The following ADCY4 variants were observed in gnomAD, a reference collection of about 807,000 sequenced individuals.
ADCY4 encodes adenylate cyclase type 4.
A neutral mutation model predicts 125.5 loss-of-function variants in ADCY4; 111 were observed. The observed-to-expected ratio is 0.88, with a 90% CI of 0.76 to 1.04. The LOEUF (loss-of-function observed/expected upper bound fraction) is 1.04. Ranked by LOEUF, ADCY4 falls within the 50% of genes least tolerant of loss-of-function variation. ADCY4 has a pLI of 0.00. For missense variants in ADCY4, 1,256 were observed against 1,382.9 expected (o/e 0.91, Z 1.46); for synonymous variants, 576 against 586.9 (o/e 0.98, Z 0.27).
At chr14:24,324,263 A>G in intron 15 of ADCY4, 44 bp downstream of exon 15, 1 of 1,614,092 alleles carries the variant, frequency 6.2e-7, no homozygotes, top group Admixed American at 1.7e-5. Flanking sequence ...ACAGGTTGTG[A>G]CCAGGGCTCC....
intron 10 of ADCY4, 97 bp downstream of exon 10, chr14:24,328,964 C>T (rs567188910): frequency 9.1e-6 from 13 of 1,426,546 alleles, no homozygotes; most frequent in South Asian, 3.9e-5. Flanking sequence ...TTAAGTGGCT[C>T]ACTGGTGGTG....
rs772652771 is a variant in ADCY4, at chr14:24,324,291, C to A, written c.1908+16G>T. On this transcript the variant is annotated intron_variant, in intron 15 of 24. Transcript: ENST00000418030. ...AGGGCTCCGGCATACCACTTCCACC[C>A]CTCAGCCCACCTCACCATCAGGTCC... 1.2e-6 allele frequency: 2 copies of A among 1,613,968 alleles called. No individual in the cohort carries two copies. Among genetic ancestry groups the A allele is most frequent in the Non-Finnish European group, 1.7e-6 (2 of 1,179,942 alleles).
rs2042013856 is a variant in ADCY4, at chr14:24,329,892, C to T, written c.1185G>A (p.Leu395=). The change falls in exon 8 of 25, where the codon CTG becomes CTA. Residue 395 remains leucine, a synonymous_variant. Coordinates refer to ENST00000418030, the MANE Select transcript of ADCY4 (RefSeq NM_001198568.2). ...QYDVWSHDVT[L]ANHMEAGGVP... is the part of the protein sequence containing the mutation. ...CACCGCCTGCCTCCATGTGGTTAGC[C>T]AGTGTGACATCATGTGACCAAACGT... is the stretch of plus-strand genomic sequence containing the variant. The T allele has an allele frequency of 6.2e-7, 1 of 1,614,090 alleles. No homozygotes were observed.
chr14:24,329,035 G>C (rs777099302), intron 10 of ADCY4, 26 bp downstream of exon 10: 1 of 1,607,996 alleles, frequency 6.2e-7, no homozygotes, highest in Non-Finnish European at 8.5e-7. Context: ...ACTAAGCTCT[G>C]GGGCTCAGGA....
chr14:24,326,212 T>G lies in ADCY4; in HGVS notation c.1569-47A>C, dbSNP rs1207223898. 1.9e-6 allele frequency: 3 copies of G among 1,612,390 alleles called. No individual in the cohort carries two copies. The Admixed American group carries it at 5.0e-5, about 27-fold the overall frequency. ...CATCACCACAGAGACCCTCAGAGCG[T>G]CTGGGCAAAGCAGGAGCAGACCCCC... On this transcript the variant is annotated intron_variant, in intron 11 of 24. Coordinates refer to ENST00000418030, the MANE Select transcript of ADCY4 (RefSeq NM_001198568.2).
At chr14:24,330,771 T>G in intron 6 of ADCY4, 2 of 496,256 alleles carry the variant, frequency 4.0e-6, no homozygotes, top group Non-Finnish European at 7.2e-6. Context: ...GCTCTGAGCA[T>G]GTTTGGGGCA....
In ADCY4 at chr14:24,326,028, CCAT is replaced by C. The variant is rs202161847; in HGVS notation, c.1655+48_1655+50del. 54 of 1,436,630 alleles carry C rather than the reference CCAT, an allele frequency of 3.8e-5. No homozygotes were observed. The African/African-American group carries it at 4.1e-4, about 11-fold the overall frequency. 89.0% of individuals were successfully genotyped at this position (1,436,630 alleles called of 1,614,324 possible). A position where few individuals can be genotyped will look rare whatever the true frequency, so the allele number is the denominator to read the frequency against. ...CTCAGGGAGCACCATCCCTTCTCCACCATATGACCTCAGGGCCTGCGGCCCCCC... is the reference window on the plus strand; with the variant it reads ...CTCAGGGAGCACCATCCCTTCTCCACATGACCTCAGGGCCTGCGGCCCCCC... On this transcript the variant is annotated intron_variant, in intron 12 of 24. Transcript: ENST00000418030.
chr14:24,320,096 A>G (rs1196542593), intron 20 of ADCY4, among the ~76,000 whole-genome samples: 1 of 152,216 alleles, frequency 6.6e-6, no homozygotes, highest in Non-Finnish European at 1.5e-5. Context: ...TAGAAGAGAC[A>G]GAGGTTTGGC....
Position 24,331,762 on chromosome 14 carries a change from C to G in ADCY4, c.669+26G>C, listed in dbSNP as rs74036606. ...AAGCAACTCCTCCCTCGGAGCGCTG[C>G]TCTGACCTTCCTAGGCCCGGCTGAC... On this transcript the variant is annotated intron_variant, in intron 4 of 24. Coordinates refer to ENST00000418030, the MANE Select transcript of ADCY4 (RefSeq NM_001198568.2). 460 of 1,549,318 alleles carry G rather than the reference C, an allele frequency of 3.0e-4. No homozygotes were observed. The African/African-American group carries it at 5.9e-3, about 20-fold the overall frequency.
rs2042046216 is a variant in ADCY4 at position 24,331,844 on chromosome 14, C to A, written c.613G>T (p.Glu205Ter). The A allele has an allele frequency of 1.2e-6, 2 of 1,604,370 alleles. No homozygotes were observed. The highest frequency in any genetic ancestry group is 1.7e-6 in the Non-Finnish European group (2 of 1,172,874). ...CGTGAGTGCAGGGAGCTGAGTGCCT[C>A]CCGGAACGTGGCCCGCAGGGCGCGC... ...MERALRATFR[E>*]ALSSLHSRRR... Residue 205 changes from glutamate (E) to a stop codon, truncating the protein, a stop_gained, in exon 4 of 25, where the codon GAG (glutamate) becomes TAG (stop). Coordinates refer to ENST00000418030, the MANE Select transcript of ADCY4 (RefSeq NM_001198568.2). LOFTEE classifies it high-confidence loss of function.
Position 24,332,786 on chromosome 14 carries a change from C to T in ADCY4, c.357+5G>A, listed in dbSNP as rs1204111705. 2 of 1,544,560 alleles carry T rather than the reference C, an allele frequency of 1.3e-6. No individual in the cohort carries two copies. The highest frequency in any genetic ancestry group is 8.8e-7 in the Non-Finnish European group (1 of 1,140,818). ...CCCCGCTGCCCCGCCTGCCGCCCCTCTCACCTGGTCCCAGGCGCTCACCAC... is the reference window on the plus strand; with the variant it reads ...CCCCGCTGCCCCGCCTGCCGCCCCTTTCACCTGGTCCCAGGCGCTCACCAC... On this transcript the variant is annotated splice_donor_5th_base_variant and intron_variant, in intron 2 of 24. Coordinates refer to ENST00000418030, the MANE Select transcript of ADCY4 (RefSeq NM_001198568.2).
At chr14:24,330,503 G>T in intron 6 of ADCY4, 1 of 636,730 alleles carries the variant, frequency 1.6e-6, no homozygotes, top group South Asian at 2.1e-5. Flanking sequence ...TTTCCCCAAG[G>T]GCTGGATGGC....
rs757144908 is a variant in ADCY4, at chr14:24,318,729, C to T, written c.3006G>A (p.Pro1002=). Residue 1002 remains proline (P), a synonymous_variant, in exon 24 of 25, where the codon CCG becomes CCA. Transcript: ENST00000418030. ...VVAGVIGAQK[P]QYDIWGNTVN... is the part of the protein sequence containing the mutation. Reference sequence around the variant, plus strand: ...CTGTGTTGCCCCAAATGTCATATTGCGGCTTCTGGGCCCCAATAACTCCAG... The same window carrying T: ...CTGTGTTGCCCCAAATGTCATATTGTGGCTTCTGGGCCCCAATAACTCCAG... 30 of 1,614,058 alleles carry T rather than the reference C, an allele frequency of 1.9e-5. No individual in the cohort carries two copies. Among genetic ancestry groups the T allele is most frequent in the South Asian group, 2.2e-5 (2 of 91,084 alleles).
intron 20 of ADCY4, among the ~76,000 whole-genome samples, chr14:24,321,127 A>G (rs1359769785): frequency 1.4e-5 from 2 of 143,478 alleles, no homozygotes; most frequent in Non-Finnish European, 3.0e-5. Flanking sequence ...AAAAGTAATT[A>G]CTTTTAGGCC....
intron 14 of ADCY4, 27 bp downstream of exon 14, chr14:24,325,350 G>A: frequency 3.1e-6 from 5 of 1,595,194 alleles, no homozygotes; most frequent in Non-Finnish European, 4.3e-6. Context: ...TGACAGCCAG[G>A]GCCTCCTTTG....
chr14:24,320,013 G>A, intron 20 of ADCY4, 125 bp from the exon 21 acceptor site: 1 of 1,200,002 alleles, frequency 8.3e-7, no homozygotes, highest in Non-Finnish European at 1.1e-6. Flanking sequence ...AATTGGGAAG[G>A]AGGGAGAGGA....
intron 1 of ADCY4, among the ~76,000 whole-genome samples, chr14:24,334,028 CCTT>C (rs1309385014): frequency 6.6e-6 from 1 of 152,234 alleles, no homozygotes; most frequent in Non-Finnish European, 1.5e-5. Context: ...GGATTGAAGA[CCTT>C]CTTCCTCCCC....
intron 3 of ADCY4, 50 bp downstream of exon 3, chr14:24,332,472 G>A (rs2042057209): frequency 6.5e-7 from 1 of 1,534,888 alleles, no homozygotes; most frequent in South Asian, 1.2e-5. Context: ...GAGCCTACTA[G>A]CACGTGGCAG....
chr14:24,320,743 A>G (rs1265163147), intron 20 of ADCY4, among the ~76,000 whole-genome samples: 1 of 152,218 alleles, frequency 6.6e-6, no homozygotes, highest in African/African-American at 2.4e-5. Context: ...CAATGGAAAC[A>G]TTCCCTATGT....
Sources: allele counts gnomAD v4.1 joint callset (sites outside exome capture counted in the v4.1 genomes callset), GRCh38; gene constraint gnomAD v4.1.1; transcripts MANE v1.5; gene names NCBI Gene and HGNC (gene_info 2026-07-23, HGNC 2026-07-21).